TMIGD3: variants seen among roughly 807,000 people sequenced by gnomAD.
TMIGD3 encodes AD026 protein (AD026).
A neutral mutation model predicts 28.1 loss-of-function variants in TMIGD3; 21 were observed. That is an observed-to-expected ratio of 0.75 (90% CI 0.53 to 1.08). The LOEUF is 1.08. Among genes scored for constraint, TMIGD3 ranks in the 50% least tolerant of loss-of-function variants. The pLI is 0.00. For synonymous variants in TMIGD3, 151 were observed against 162.1 expected, an observed-to-expected ratio of 0.93 and a Z score of 0.52; for missense variants, 416 against 435.6, an observed-to-expected ratio of 0.96 and a Z score of 0.40.
chr1:111,499,347 A>T (rs1655042199), intron 1 of TMIGD3: 2 of 900,512 alleles, frequency 2.2e-6, no homozygotes, highest in Non-Finnish European at 2.7e-6. Context: ...ACATGGCTCC[A>T]AGTAGCAAGC....
rs143627323 is a variant in TMIGD3, at chr1:111,560,872, A to G, written c.107+2974T>C. Among the ~76,000 whole-genome samples, 702 of 152,276 alleles carry G rather than the reference A, an allele frequency of 4.6e-3. 9 individuals are homozygous for G. Among genetic ancestry groups the G allele is most frequent in the Non-Finnish European group, 5.3e-3 (359 of 68,014 alleles). On this transcript the variant is annotated intron_variant, in intron 1 of 5. Coordinates refer to the TMIGD3 transcript ENST00000369717. ...CTCTCCATCCTCCCAAATCCTTGCC[A>G]GGCCTTTCCTCTTGCTTCAGGACCT...
intron 1 of TMIGD3, among the ~76,000 whole-genome samples, chr1:111,509,433 A>G (rs992930321): frequency 1.3e-5 from 2 of 152,082 alleles, no homozygotes; most frequent in Non-Finnish European, 2.9e-5. Context: ...CACCCCTATC[A>G]CAGTGGTAGG....
intron 1 of TMIGD3, among the ~76,000 whole-genome samples, chr1:111,540,488 A>G (rs1656785339): frequency 6.6e-6 from 1 of 152,210 alleles, no homozygotes; most frequent in African/African-American, 2.4e-5. Flanking sequence ...GTAGACACCC[A>G]CATCATCAAA....
Position 111,503,446 on chromosome 1 carries a change from C to T in TMIGD3, c.-92G>A. 2 of 1,488,514 alleles carry T rather than the reference C, an allele frequency of 1.3e-6. No homozygotes were observed. The highest frequency in any genetic ancestry group is 1.8e-6 in the Non-Finnish European group (2 of 1,114,356). The allele number at this position is 1,488,514 out of a possible 1,614,324, so 92.2% of individuals were successfully genotyped here. On this transcript the variant is annotated 5_prime_UTR_variant, in exon 1 of 6. The change creates a premature stop within an existing upstream ORF in the 5' untranslated region. Coordinates refer to ENST00000369716, the MANE Select transcript of TMIGD3 (RefSeq NM_020683.7). ...GGCCTAGCTCTCGCCAGACGTCTTC[C>T]CAGAGGTCCATGTGCAGTGACAGTC...
chr1:111,514,947 G>T (rs989692284), intron 1 of TMIGD3, among the ~76,000 whole-genome samples: 2 of 152,132 alleles, frequency 1.3e-5, no homozygotes, highest in African/African-American at 4.8e-5. Context: ...CATTGAGCAA[G>T]GTCAAGCAAC....
At chr1:111,504,528 C>T (rs77737212), upstream of TMIGD3, among the ~76,000 whole-genome samples, 547 of 152,330 alleles carry the variant, frequency 3.6e-3, 5 homozygotes, top group African/African-American at 0.012. Flanking sequence ...GGTTCAGGTG[C>T]TTCTCAGCAC....
exon 1 of TMIGD3, chr1:111,563,897 G>A: frequency 3.1e-6 from 5 of 1,613,804 alleles, no homozygotes; most frequent in Non-Finnish European, 4.2e-6. Context: ...CTCTTCCCAG[G>A]AGCTTTCCCA....
chr1:111,519,301 G>A (rs769242211), intron 1 of TMIGD3, among the ~76,000 whole-genome samples: 8 of 152,138 alleles, frequency 5.3e-5, no homozygotes, highest in Non-Finnish European at 1.2e-4. Flanking sequence ...ATGAGGCTTG[G>A]TTTGAGCACC....
intron 1 of TMIGD3, among the ~76,000 whole-genome samples, chr1:111,530,968 T>C (rs1170166212): frequency 1.3e-5 from 2 of 152,240 alleles, no homozygotes; most frequent in African/African-American, 2.4e-5. Flanking sequence ...TACAAGTATA[T>C]TTGGCTGTAT....
At chr1:111,489,694 C>A in intron 2 of TMIGD3, 2 of 1,075,950 alleles carry the variant, frequency 1.9e-6, no homozygotes, top group Non-Finnish European at 1.1e-6. Context: ...CCCTAGCTCC[C>A]ACCCTACCTT....
At chr1:111,554,015 G>A (rs1186793423) in intron 1 of TMIGD3, among the ~76,000 whole-genome samples, 1 of 152,218 alleles carries the variant, frequency 6.6e-6, no homozygotes, top group Admixed American at 6.5e-5. Flanking sequence ...AAGCAGAAAT[G>A]GAATGTGACT....
rs190050150 is a variant in TMIGD3, at chr1:111,545,426, C to A, written c.107+18420G>T. On this transcript the variant is annotated intron_variant, in intron 1 of 5. Coordinates refer to the TMIGD3 transcript ENST00000369717. ...ATTGATCATTTGTATATTTTCTTTGCAGAAATATCTGTTCGAGTCCTTTGC... is the reference window on the plus strand; with the variant it reads ...ATTGATCATTTGTATATTTTCTTTGAAGAAATATCTGTTCGAGTCCTTTGC... Among the ~76,000 whole-genome samples, 249 of 152,128 alleles carry A rather than the reference C, an allele frequency of 1.6e-3. 1 individual carries two copies. Among genetic ancestry groups the A allele is most frequent in the African/African-American group, 5.9e-3 (246 of 41,540 alleles).
At chr1:111,502,430 C>A (rs34457698) in intron 1 of TMIGD3, among the ~76,000 whole-genome samples, 2 of 116,886 alleles carry the variant, frequency 1.7e-5, no homozygotes, top group African/African-American at 3.1e-5. Context: ...ATATAGGATA[C>A]ATATATTTAT....
intron 1 of TMIGD3, among the ~76,000 whole-genome samples, chr1:111,521,035 A>G (rs1481556771): frequency 7.5e-6 from 1 of 132,964 alleles, no homozygotes; most frequent in Non-Finnish European, 1.5e-5. Flanking sequence ...TCCCCTAACT[A>G]TTGATCTGCT....
rs774772726 is a variant in TMIGD3 at position 111,488,932 on chromosome 1, G to T, written c.550C>A (p.Pro184Thr). Reference protein sequence around the residue: ...CNYNAHYKNHPKYWCRGYFRD... With the variant: ...CNYNAHYKNHTKYWCRGYFRD... ...AAATAGCCTCGGCACCAGTATTTGG[G>T]GTGATTCTTGTAGTGGGCATTGTAG... Residue 184 changes from proline to threonine, a missense_variant, in exon 3 of 6, where the codon CCC (proline) becomes ACC (threonine). Transcript: ENST00000369716. The T allele has an allele frequency of 2.5e-6, 4 of 1,614,184 alleles. No homozygotes were observed. Among genetic ancestry groups the T allele is most frequent in the Non-Finnish European group, 2.5e-6 (3 of 1,180,028 alleles).
At chr1:111,523,003 G>A (rs899595307) in intron 1 of TMIGD3, among the ~76,000 whole-genome samples, 2 of 152,024 alleles carry the variant, frequency 1.3e-5, no homozygotes. Context: ...TATTCCACTG[G>A]CTAACTTTAG....
intron 3 of TMIGD3, among the ~76,000 whole-genome samples, 172 bp downstream of exon 3, chr1:111,488,505 A>G (rs868248824): frequency 2.6e-5 from 4 of 152,212 alleles, no homozygotes; most frequent in Non-Finnish European, 5.9e-5. Context: ...GCTATTCCCC[A>G]GCACTGTTAA....
intron 1 of TMIGD3, among the ~76,000 whole-genome samples, chr1:111,544,408 CTA>C (rs998521560): frequency 4.6e-5 from 7 of 152,168 alleles, no homozygotes; most frequent in African/African-American, 1.7e-4. Context: ...CAATCTGTCT[CTA>C]TGGATTTGAC....
chr1:111,535,341 T>C (rs1289423129), intron 1 of TMIGD3, among the ~76,000 whole-genome samples: 2 of 152,204 alleles, frequency 1.3e-5, no homozygotes, highest in Non-Finnish European at 2.9e-5. Context: ...TAGTGCAATA[T>C]ACATATACGT....
Sources: allele counts gnomAD v4.1 joint callset (sites outside exome capture counted in the v4.1 genomes callset), GRCh38; gene constraint gnomAD v4.1.1; transcripts MANE v1.5; gene names NCBI Gene and HGNC (gene_info 2026-07-23, HGNC 2026-07-21).